The following INO80 variants were observed in gnomAD, a reference collection of about 807,000 sequenced individuals.
INO80 encodes chromatin-remodeling ATPase INO80.
Under a neutral mutation model 203.4 loss-of-function variants are expected in INO80, and 20 were observed. The ratio of observed to expected loss-of-function variants is 0.10; its 90% CI spans 0.07 to 0.14. The LOEUF is 0.14. INO80 is among the 10% of genes least tolerant of loss of function. The pLI, the probability that INO80 is intolerant of heterozygous loss-of-function variation, is 1.00. For synonymous variants in INO80, 726 were observed against 685.2 expected (o/e 1.06, Z -0.93); for missense variants, 1,419 against 1,914.4 (o/e 0.74, Z 4.83).
chr15:41,106,186 C>A (rs2045877976), intron 1 of INO80, among the ~76,000 whole-genome samples: 1 of 152,020 alleles, frequency 6.6e-6, no homozygotes. Context: ...GAGTTTGAGA[C>A]CAGCCTGGGC....
chr15:41,057,797 C>CAAAAAAAAAAAAAAAAAAAAAAAAAAAA (rs35197370), intron 16 of INO80, among the ~76,000 whole-genome samples: 2 of 29,338 alleles, frequency 6.8e-5, no homozygotes, highest in Non-Finnish European at 1.4e-4. Context: ...AACTACATCT[C>CAAAAAAAAAAAAAAAAAAAAAAAAAAAA]AAAAAAAAAA....
At chr15:41,049,454 C>G (rs777001333) in intron 20 of INO80, 34 bp from the exon 21 acceptor site, 3 of 1,604,616 alleles carry the variant, frequency 1.9e-6, no homozygotes, top group Admixed American at 3.4e-5. Flanking sequence ...ACAATATTAC[C>G]ACATGCAGAC....
rs369367976 is a variant in INO80, at chr15:41,095,642, A to G, written c.340T>C (p.Tyr114His). The G allele has an allele frequency of 5.6e-6, 9 of 1,611,554 alleles. No homozygotes were observed. Among genetic ancestry groups the G allele is most frequent in the Non-Finnish European group, 7.6e-6 (9 of 1,177,752 alleles). ...SESKCDKGNL[Y>H]NFSKLKKSRK... Reference sequence around the variant, plus strand: ...CTTTTCTTCAGCTTAGAGAAATTATATAAATTCCCCTTATCACATTTTGAT... The same window carrying G: ...CTTTTCTTCAGCTTAGAGAAATTATGTAAATTCCCCTTATCACATTTTGAT... The change falls in exon 4 of 36, where the codon TAT (tyrosine) becomes CAT (histidine). Residue 114 changes from tyrosine (Y) to histidine (H), a missense_variant. Physicochemically the swap from Tyr to His is moderately conservative, Grantham distance 83. This residue lies in a region of INO80 where 323 missense variants were observed against 325.4 expected (regional missense o/e 0.99). Transcript: ENST00000648947.
rs754662578 is a variant in INO80 at position 41,092,060 on chromosome 15, T to C, written c.504A>G (p.Lys168=). The change falls in exon 5 of 36, where the codon AAA becomes AAG. Residue 168 remains lysine, a synonymous_variant. Coordinates refer to ENST00000648947, the MANE Select transcript of INO80 (RefSeq NM_017553.3). ...CTTTACTATACTTATTTTGGTGAAGTTTCTTATATTTGTGTAGTCGAAGCA... is the reference window on the plus strand; with the variant it reads ...CTTTACTATACTTATTTTGGTGAAGCTTCTTATATTTGTGTAGTCGAAGCA... ...HNMLRLHKYK[K]LHQNKYSKDK... 40 of 1,610,938 alleles carry C rather than the reference T, an allele frequency of 2.5e-5. No homozygotes were observed. In the East Asian group the frequency reaches 8.9e-4, roughly 36 times the overall value.
At chr15:41,050,923 G>C (rs2044857762) in intron 19 of INO80, among the ~76,000 whole-genome samples, 1 of 151,764 alleles carries the variant, frequency 6.6e-6, no homozygotes, top group African/African-American at 2.4e-5. Context: ...CACAGGTCAG[G>C]AGTTCAAGAC....
chr15:41,010,345 A>G (rs1276642124), intron 27 of INO80, among the ~76,000 whole-genome samples: 1 of 152,104 alleles, frequency 6.6e-6, no homozygotes, highest in Non-Finnish European at 1.5e-5. Context: ...AGGATCAGAG[A>G]TCACAATCAA....
intron 24 of INO80, among the ~76,000 whole-genome samples, chr15:41,037,996 C>G (rs888313837): frequency 8.0e-5 from 12 of 149,784 alleles, no homozygotes; most frequent in African/African-American, 3.0e-4. Context: ...GCCTCTCTTG[C>G]CCCTCTTCCC....
intron 27 of INO80, among the ~76,000 whole-genome samples, chr15:41,012,030 G>A (rs771450046): frequency 3.7e-4 from 57 of 152,142 alleles, no homozygotes; most frequent in Admixed American, 1.3e-4. Flanking sequence ...AGTATCAAGT[G>A]GCCTATTTCC....
At chr15:41,027,498 T>C (rs2044393046) in intron 25 of INO80, 98 bp downstream of exon 25, 2 of 1,060,234 alleles carry the variant, frequency 1.9e-6, no homozygotes, top group African/African-American at 3.2e-5. Flanking sequence ...AAAGTCCAAA[T>C]AGTTTAAAAC....
chr15:41,007,127 T>C (rs1465645714), intron 27 of INO80, among the ~76,000 whole-genome samples: 1 of 151,052 alleles, frequency 6.6e-6, no homozygotes, highest in East Asian at 1.9e-4. Flanking sequence ...AAAACACAGA[T>C]TATAATTTTA....
intron 25 of INO80, among the ~76,000 whole-genome samples, chr15:41,025,110 C>G (rs1596268918): frequency 6.6e-6 from 1 of 152,208 alleles, no homozygotes; most frequent in South Asian, 2.1e-4. Context: ...TTCAGCCAAA[C>G]GATAAAAGCT....
Position 41,065,670 on chromosome 15 carries a change from T to C in INO80, c.1782+3900A>G, listed in dbSNP as rs760196430. 2.0e-5 allele frequency among the ~76,000 whole-genome samples: 3 copies of C among 152,290 alleles called. No homozygotes were observed. In the South Asian group the frequency reaches 6.2e-4, roughly 32 times the overall value. The stretch of plus-strand genomic sequence containing the variant: ...ATGAATGGATGAACAAAATGTGATA[T>C]ATATATACACAATGGAATATTACTC... On this transcript the variant is annotated intron_variant, in intron 14 of 35. Transcript: ENST00000648947.
rs749131134 is a variant in INO80 at position 41,021,034 on chromosome 15, T to C, written c.3140A>G (p.Lys1047Arg). 2.7e-5 allele frequency: 43 copies of C among 1,614,064 alleles called. No homozygotes were observed. Among genetic ancestry groups the C allele is most frequent in the Non-Finnish European group, 3.5e-5 (41 of 1,180,012 alleles). ...AGGGGCCCCATTCAACAAACACTGCTTGGCTGCCAGACTCCCTCCTTCCTT... is the reference window on the plus strand; with the variant it reads ...AGGGGCCCCATTCAACAAACACTGCCTGGCTGCCAGACTCCCTCCTTCCTT... Reference protein sequence around the residue: ...VLKEGGSLAAKQCLLNGAPEL... With the variant: ...VLKEGGSLAARQCLLNGAPEL... The change falls in exon 26 of 36, where the codon AAG (lysine) becomes AGG (arginine). Residue 1047 changes from lysine to arginine, a missense_variant. Around this residue, in one of 9 missense-constraint regions of INO80, gnomAD observed 302 missense variants for 345.4 expected, o/e 0.87. Transcript: ENST00000648947.
chr15:41,015,774 TAA>T (rs999539137), intron 27 of INO80, among the ~76,000 whole-genome samples: 6,327 of 92,838 alleles, frequency 0.068, 569 homozygotes, highest in African/African-American at 0.24. Context: ...CATCTCTACT[TAA>T]AAAAAAAAAA....
Position 41,105,435 on chromosome 15 carries a change from T to C in INO80, c.-43-9082A>G, listed in dbSNP as rs558666319. Among the ~76,000 whole-genome samples the C allele has an allele frequency of 2.6e-5, 4 of 152,258 alleles. No individual in the cohort carries two copies. The South Asian group carries it at 8.3e-4, about 32-fold the overall frequency. On this transcript the variant is annotated intron_variant, in intron 1 of 35. Transcript: ENST00000648947. The stretch of plus-strand genomic sequence containing the variant: ...TGTTTGCATTTTCATTTAAACCTTA[T>C]ATGATGCAGATACTATTACAACCAC...
intron 6 of INO80, among the ~76,000 whole-genome samples, chr15:41,086,057 G>C (rs948237812): frequency 1.3e-5 from 2 of 152,004 alleles, no homozygotes; most frequent in Non-Finnish European, 2.9e-5. Context: ...ATGTGTCTGA[G>C]GTATCACAGA....
At chr15:41,085,686 C>T in intron 6 of INO80, 103 bp from the exon 7 acceptor site, 1 of 773,990 alleles carries the variant, frequency 1.3e-6, no homozygotes, top group Non-Finnish European at 2.1e-6. Flanking sequence ...TTCCACCTGA[C>T]ACTGACAACA....
At chr15:41,023,781 A>AC (rs2140472681) in intron 25 of INO80, among the ~76,000 whole-genome samples, 1 of 148,452 alleles carries the variant, frequency 6.7e-6, no homozygotes, top group Non-Finnish European at 1.5e-5. Flanking sequence ...AAAAAAAAAA[A>AC]AACAAAACAA....
chr15:41,115,953 C>T lies in INO80; in HGVS notation c.-44+20G>A, dbSNP rs973506491. ...ACACAACCCCCACTCCGTTCGCCCG[C>T]CCACGTCTAGTTGCCTCACCTCGGG... is the stretch of plus-strand genomic sequence containing the variant. On this transcript the variant is annotated intron_variant, in intron 1 of 35. Transcript: ENST00000648947. 2.6e-6 allele frequency: 1 copy of T among 385,554 alleles called. No individual in the cohort carries two copies. Among genetic ancestry groups the T allele is most frequent in the Non-Finnish European group, 4.6e-6 (1 of 217,526 alleles). The allele number at this position is 385,554 out of a possible 1,614,324, so 23.9% of individuals were successfully genotyped here.
Sources: gnomAD v4.1 joint callset for allele counts (sites outside exome capture counted in the v4.1 genomes callset) on GRCh38, gnomAD v4.1.1 for gene constraint, gnomAD v4.1.1 regional missense constraint, MANE v1.5 for transcripts, NCBI Gene and HGNC (gene_info 2026-07-23, HGNC 2026-07-21) for gene names.